Variants in STAG2 observed in about 807,000 individuals in gnomAD.
STAG2 encodes the protein STAG2 cohesin complex component.
A neutral mutation model predicts 108.1 loss-of-function variants in STAG2; 14 were observed. The observed-to-expected ratio is 0.13, with a 90% CI of 0.09 to 0.20. STAG2 has a LOEUF of 0.20. Ranked by LOEUF, STAG2 falls within the 10% of genes least tolerant of loss-of-function variation. The pLI, the probability that STAG2 is intolerant of heterozygous loss-of-function variation, is 1.00. For missense variants in STAG2, 440 were observed against 940.9 expected, an observed-to-expected ratio of 0.47 and a Z score of 6.96; for synonymous variants, 307 against 302.7, an observed-to-expected ratio of 1.01 and a Z score of -0.15.
chrX:124,034,915 G>A (rs1009613666), intron 5 of STAG2, among the ~76,000 whole-genome samples: 5 of 103,717 alleles, frequency 4.8e-5, no homozygotes, highest in African/African-American at 1.1e-4. Context: ...ATCATTATTC[G>A]AGACAAGATC....
At chrX:124,042,036 T>G (rs1422772915) in intron 6 of STAG2, among the ~76,000 whole-genome samples, 3 of 111,280 alleles carry the variant, frequency 2.7e-5, no homozygotes, top group Non-Finnish European at 5.7e-5. Flanking sequence ...TTTAACTAGA[T>G]TACAGGCGTC....
chrX:124,018,021 G>A (rs1301759319), intron 1 of STAG2, among the ~76,000 whole-genome samples: 2 of 112,119 alleles, frequency 1.8e-5, no homozygotes, highest in African/African-American at 6.5e-5. Flanking sequence ...CTACAAATGG[G>A]ATTGCCTGGT....
rs2059236913 is a variant in STAG2, at chrX:124,090,721, T to C, written c.3424T>C (p.Tyr1142His). The C allele has an allele frequency of 8.3e-7, 1 of 1,210,012 alleles. No individual in the cohort carries two copies. Among genetic ancestry groups the C allele is most frequent in the South Asian group, 1.8e-5 (1 of 56,803 alleles). The change falls in exon 31 of 35, where the codon TAT becomes CAT. Residue 1142 changes from tyrosine (Y) to histidine (H), a missense_variant. This residue lies in a region of STAG2 where 337 missense variants were observed against 649.3 expected (regional missense o/e 0.52). Coordinates refer to ENST00000371145, the MANE Select transcript of STAG2 (RefSeq NM_001042750.2). ...GCCTGAGGATAGCTTCATGAGTGTT[T>C]ATCCAATGCAGACTGAACATCATCA... is the stretch of plus-strand genomic sequence containing the variant. ...LRPEDSFMSV[Y>H]PMQTEHHQTP...
chrX:123,986,260 A>G (rs1174203221), intron 1 of STAG2, among the ~76,000 whole-genome samples: 1 of 108,994 alleles, frequency 9.2e-6, no homozygotes, highest in Non-Finnish European at 1.9e-5. Context: ...AATATATATA[A>G]TAAACTAACT....
At position 124,018,303 on chromosome X, in the gene STAG2, G is replaced by A. The variant is rs1461863908; in HGVS notation, c.-162-3064G>A. Among the ~76,000 whole-genome samples, 3 of 112,137 alleles carry A rather than the reference G, an allele frequency of 2.7e-5. No individual in the cohort carries two copies. In the Admixed American group the frequency reaches 2.8e-4, roughly 11 times the overall value. On this transcript the variant is annotated intron_variant, in intron 1 of 34. Coordinates refer to ENST00000371145, the MANE Select transcript of STAG2 (RefSeq NM_001042750.2). ...ACCCGCAATAGTGCAGAAATTGTTT[G>A]GTGAGTTTGATTTTTAAACTGATAC...
intron 30 of STAG2, among the ~76,000 whole-genome samples, chrX:124,088,613 ATC>A (rs1491238781): frequency 2.6e-5 from 2 of 76,901 alleles, no homozygotes; most frequent in Non-Finnish European, 5.2e-5. Flanking sequence ...AATATGTATA[ATC>A]TTTTTTTTTT....
At chrX:124,037,779 A>G (rs748892178) in intron 6 of STAG2, among the ~76,000 whole-genome samples, 156 bp downstream of exon 6, 5 of 112,966 alleles carry the variant, frequency 4.4e-5, no homozygotes, top group African/African-American at 1.6e-4. Context: ...AGCAAAGGAC[A>G]AAGTAAGAGA....
chrX:123,970,388 T>C (rs981406351), intron 1 of STAG2, among the ~76,000 whole-genome samples: 2 of 111,427 alleles, frequency 1.8e-5, no homozygotes, highest in Non-Finnish European at 3.8e-5. Flanking sequence ...GTCACTGAAG[T>C]CATTTTCTGA....
At chrX:124,083,385 A>G in intron 28 of STAG2, 36 bp from the exon 29 acceptor site, 1 of 1,081,986 alleles carries the variant, frequency 9.2e-7, no homozygotes, top group Non-Finnish European at 1.2e-6. Flanking sequence ...AGTCCCTCAA[A>G]TATTTATTTC....
chrX:124,028,794 T>TTATATATATATA (rs56052834), intron 4 of STAG2, among the ~76,000 whole-genome samples: 6 of 75,035 alleles, frequency 8.0e-5, no homozygotes, highest in African/African-American at 3.5e-4. Context: ...TAAGAATAGT[T>TTATATATATATA]TATATATATA....
At chrX:124,016,206 C>T (rs1459723885) in intron 1 of STAG2, among the ~76,000 whole-genome samples, 8 of 110,235 alleles carry the variant, frequency 7.3e-5, no homozygotes, top group Non-Finnish European at 1.5e-4. Flanking sequence ...GTGGCATGTT[C>T]TCAGCTCACT....
chrX:124,078,572 C>T (rs1055399626), intron 27 of STAG2, among the ~76,000 whole-genome samples: 3 of 111,119 alleles, frequency 2.7e-5, no homozygotes, highest in African/African-American at 9.8e-5. Flanking sequence ...AATATATTAA[C>T]AGTGGTTAAC....
intron 1 of STAG2, among the ~76,000 whole-genome samples, chrX:124,012,619 TA>T (rs1366781334): frequency 8.9e-6 from 1 of 111,860 alleles, no homozygotes; most frequent in Non-Finnish European, 1.9e-5. Context: ...TAAGGTCAGC[TA>T]ATCAGAAGTG....
At position 123,989,673 on chromosome X, in the gene STAG2, C is replaced by A. The variant is rs757779325; in HGVS notation, c.-163+27817C>A. 4.8e-5 allele frequency among the ~76,000 whole-genome samples: 5 copies of A among 104,590 alleles called. No individual in the cohort carries two copies. In the East Asian group the frequency reaches 1.5e-3, roughly 31 times the overall value. The allele number at this position is 104,590 out of a possible 115,157, so 90.8% of individuals were successfully genotyped here. On this transcript the variant is annotated intron_variant, in intron 1 of 34. Transcript: ENST00000371145. Reference sequence around the variant, plus strand: ...AGGCTGGAGTGCAGTGGCTCCATCTCGGCTCACTGCAACCTCCGCCTCCCG... The same window carrying A: ...AGGCTGGAGTGCAGTGGCTCCATCTAGGCTCACTGCAACCTCCGCCTCCCG...
At chrX:124,073,878 C>T (rs750461924) in intron 25 of STAG2, among the ~76,000 whole-genome samples, 8 of 111,691 alleles carry the variant, frequency 7.2e-5, no homozygotes, top group African/African-American at 2.6e-4. Context: ...AAAAGAAGCC[C>T]TCATTTGTAT....
chrX:124,047,218 C>T (rs760012507), intron 8 of STAG2, 136 bp from the exon 9 acceptor site: 22 of 468,307 alleles, frequency 4.7e-5, no homozygotes, highest in Non-Finnish European at 7.3e-5. Flanking sequence ...ATTTTATTGT[C>T]ATTTGTAGCA....
At chrX:124,007,254 C>T (rs1294881242) in intron 1 of STAG2, among the ~76,000 whole-genome samples, 3 of 108,708 alleles carry the variant, frequency 2.8e-5, no homozygotes, top group Non-Finnish European at 5.7e-5. Context: ...TGGCCTCAAG[C>T]GATCCCCCCA....
intron 1 of STAG2, among the ~76,000 whole-genome samples, chrX:124,018,533 C>G (rs936415503): frequency 7.2e-5 from 8 of 110,810 alleles, no homozygotes; most frequent in African/African-American, 2.6e-4. Context: ...CAGAGTCTTA[C>G]CCCATTGCCC....
In STAG2 at chrX:124,061,256, C is replaced by T. The variant is rs140900528; in HGVS notation, c.1449C>T (p.Ser483=). The T allele has an allele frequency of 1.7e-6, 2 of 1,206,242 alleles. No individual in the cohort carries two copies. Among genetic ancestry groups the T allele is most frequent in the Non-Finnish European group, 2.2e-6 (2 of 893,368 alleles). ...AGCATGCAGCATACCTTGTGGATAG[C>T]ATGTGGGACTGTGCTACTGAGCTGC... The part of the protein sequence containing the change: ...LHEHAAYLVD[S]MWDCATELLK... The change falls in exon 16 of 35, where the codon AGC becomes AGT. Residue 483 remains serine, a synonymous_variant. Coordinates refer to ENST00000371145, the MANE Select transcript of STAG2 (RefSeq NM_001042750.2).
Sources: gnomAD v4.1 joint callset for allele counts (sites outside exome capture counted in the v4.1 genomes callset) on GRCh38, gnomAD v4.1.1 for gene constraint, gnomAD v4.1.1 regional missense constraint, MANE v1.5 for transcripts, NCBI Gene and HGNC (gene_info 2026-07-23, HGNC 2026-07-21) for gene names.